Variants in NAF1 observed in about 807,000 individuals in gnomAD.
The protein encoded by NAF1 is H/ACA ribonucleoprotein complex non-core subunit NAF1.
Under a neutral mutation model 40.6 loss-of-function variants are expected in NAF1, and 11 were observed. That is an observed-to-expected ratio of 0.27 (90% CI 0.17 to 0.45). NAF1 has a LOEUF of 0.45. Ranked by LOEUF, NAF1 falls within the 20% of genes least tolerant of loss-of-function variation. The probability of loss-of-function intolerance (pLI) is 1.00; values close to 1 mark genes in which losing one functional copy is unlikely to be tolerated. For missense variants in NAF1, 607 were observed against 611.1 expected, an observed-to-expected ratio of 0.99 and a Z score of 0.07; for synonymous variants, 260 against 228.5, an observed-to-expected ratio of 1.14 and a Z score of -1.24.
rs768124879 is a variant in NAF1, at chr4:163,164,276, G to C, written c.481C>G (p.Gln161Glu). The C allele has an allele frequency of 6.3e-6, 10 of 1,585,262 alleles. No individual in the cohort carries two copies. In the South Asian group the frequency reaches 1.1e-4, roughly 17 times the overall value. Reference protein sequence around the residue: ...PVLSDGDDDLQIEKENKNFPL... With the variant: ...PVLSDGDDDLEIEKENKNFPL... ...AAATTCTTATTTTCCTTCTCAATTT[G>C]TAAATCATCATCTCCATCTGACAGC... is the stretch of plus-strand genomic sequence containing the variant. Residue 161 changes from glutamine to glutamate, a missense_variant, in exon 2 of 8, where the codon CAA becomes GAA. Gln to Glu is a conservative substitution (Grantham distance 29). Transcript: ENST00000274054.
At chr4:163,139,457 TA>T (rs142686379) in intron 5 of NAF1, among the ~76,000 whole-genome samples, 5 of 151,348 alleles carry the variant, frequency 3.3e-5, no homozygotes, top group Admixed American at 6.6e-5. Flanking sequence ...TTATTTTTAT[TA>T]AAAAAAAATC....
At chr4:163,140,047 A>C (rs1199736607) in intron 5 of NAF1, among the ~76,000 whole-genome samples, 176 bp downstream of exon 5, 1 of 152,122 alleles carries the variant, frequency 6.6e-6, no homozygotes, top group Non-Finnish European at 1.5e-5. Flanking sequence ...AAAAGATATG[A>C]ATTCTACGTA....
chr4:163,145,677 T>C lies in NAF1; in HGVS notation c.717+105A>G. On this transcript the variant is annotated intron_variant, in intron 4 of 7. Coordinates refer to ENST00000274054, the MANE Select transcript of NAF1 (RefSeq NM_138386.3). ...ACTGAAATTAGAGAGCTCTAGATTG[T>C]CCATCAATTAAAATAAATAAACTCT... 7.0e-6 allele frequency: 5 copies of C among 715,838 alleles called. No individual in the cohort carries two copies. In the South Asian group the frequency reaches 8.8e-5, roughly 13 times the overall value. 44.3% of individuals were successfully genotyped at this position (715,838 alleles called of 1,614,324 possible). A position where few individuals can be genotyped will look rare whatever the true frequency, so the allele number is the denominator to read the frequency against.
chr4:163,125,549 G>GAGAA (rs1730631599), downstream of NAF1, among the ~76,000 whole-genome samples: 1 of 152,200 alleles, frequency 6.6e-6, no homozygotes, highest in Admixed American at 6.5e-5. Context: ...CGAAGGCTGA[G>GAGAA]AGAAACCGCA....
In NAF1 at chr4:163,166,890, C is replaced by T. The variant is rs542579469; in HGVS notation, c.-163G>A. On this transcript the variant is annotated 5_prime_UTR_variant, in exon 1 of 8. It adds an upstream start codon to the 5' untranslated region. Coordinates refer to ENST00000274054, the MANE Select transcript of NAF1 (RefSeq NM_138386.3). ...CTACACGCGGAGGAGCCAAAAGACA[C>T]GCCCCCGCCATTTACGCAGCAACGC... 1.7e-5 allele frequency: 16 copies of T among 951,748 alleles called. No homozygotes were observed. The highest frequency in any genetic ancestry group is 3.1e-5 in the Admixed American group (1 of 32,490). The allele number at this position is 951,748 out of a possible 1,614,324, so 59.0% of individuals were successfully genotyped here. A position where few individuals can be genotyped will look rare whatever the true frequency, so the allele number is the denominator to read the frequency against.
At chr4:163,122,161 T>C (rs1240759410), downstream of NAF1, among the ~76,000 whole-genome samples, 1 of 152,228 alleles carries the variant, frequency 6.6e-6, no homozygotes, top group Admixed American at 6.5e-5. Flanking sequence ...AACTGTTCCT[T>C]AAAACATACA....
downstream of NAF1, chr4:163,126,827 C>T (rs1730669535): frequency 9.0e-7 from 1 of 1,116,462 alleles, no homozygotes. Flanking sequence ...AACAACTACC[C>T]TGATTAGTCA....
intron 2 of NAF1, among the ~76,000 whole-genome samples, chr4:163,113,989 G>A (rs1730247305): frequency 6.6e-6 from 1 of 151,998 alleles, no homozygotes; most frequent in South Asian, 2.1e-4. Flanking sequence ...GCCAAGATTC[G>A]GTCAGAAAAA....
chr4:163,120,272 C>T (rs542086326), intron 2 of NAF1, among the ~76,000 whole-genome samples: 1 of 152,330 alleles, frequency 6.6e-6, no homozygotes, highest in South Asian at 2.1e-4. Context: ...TGGCTACTGA[C>T]ACTGAGAACA....
At chr4:163,107,404 C>CA (rs1182487447), downstream of NAF1, among the ~76,000 whole-genome samples, 1 of 152,222 alleles carries the variant, frequency 6.6e-6, no homozygotes, top group African/African-American at 2.4e-5. Flanking sequence ...CAGGCTCCTT[C>CA]AGCCTGCTCT....
chr4:163,121,466 G>A (rs1393594209), intron 2 of NAF1, among the ~76,000 whole-genome samples: 1 of 152,126 alleles, frequency 6.6e-6, no homozygotes. Context: ...ATCATGAACA[G>A]TGTAGCTGCA....
chr4:163,142,583 C>T (rs1391616103), intron 4 of NAF1, among the ~76,000 whole-genome samples: 1 of 152,118 alleles, frequency 6.6e-6, no homozygotes, highest in African/African-American at 2.4e-5. Context: ...TGTTTATGAG[C>T]CACAACTATA....
At chr4:163,121,695 A>G (rs1301379442) in intron 2 of NAF1, among the ~76,000 whole-genome samples, 2 of 152,212 alleles carry the variant, frequency 1.3e-5, no homozygotes, top group African/African-American at 4.8e-5. Flanking sequence ...TTAAGATCTA[A>G]TATTTAATAA....
At chr4:163,144,871 A>T (rs1000524031) in intron 4 of NAF1, among the ~76,000 whole-genome samples, 3 of 152,230 alleles carry the variant, frequency 2.0e-5, no homozygotes, top group African/African-American at 7.2e-5. Context: ...GTTTTAATTT[A>T]GCAAAGTGTT....
chr4:163,164,741 G>A (rs1005602562), intron 1 of NAF1, among the ~76,000 whole-genome samples: 1 of 152,118 alleles, frequency 6.6e-6, no homozygotes, highest in African/African-American at 2.4e-5. Flanking sequence ...CTAAAAAAAG[G>A]GAATTCTGGG....
chr4:163,122,327 T>C (rs1345044437), downstream of NAF1, among the ~76,000 whole-genome samples: 1 of 151,956 alleles, frequency 6.6e-6, no homozygotes, highest in Non-Finnish European at 1.5e-5. Context: ...CTCTAAACAA[T>C]CAACAAAAAA....
intron 2 of NAF1, among the ~76,000 whole-genome samples, chr4:163,161,470 C>G (rs1469875581): frequency 6.6e-6 from 1 of 151,280 alleles, no homozygotes; most frequent in Non-Finnish European, 1.5e-5. Flanking sequence ...GAAACTCTGT[C>G]CCCCCTCACC....
chr4:163,150,933 A>C (rs1731675782), intron 2 of NAF1, among the ~76,000 whole-genome samples: 2 of 152,122 alleles, frequency 1.3e-5, no homozygotes, highest in Admixed American at 1.3e-4. Context: ...AGTAAATTTT[A>C]AATCTTTGCC....
Position 163,166,484 on chromosome 4 carries a change from G to C in NAF1, c.244C>G (p.Gln82Glu), listed in dbSNP as rs766043303. The change falls in exon 1 of 8, where the codon CAG (glutamine) becomes GAG (glutamate). Residue 82 changes from glutamine (Q) to glutamate (E), a missense_variant. By Grantham distance (29) the Gln-to-Glu change is conservative. Around this residue, in one of 3 missense-constraint regions of NAF1, gnomAD observed 407 missense variants for 365.5 expected, o/e 1.11. Transcript: ENST00000274054. ...NAVAAGTPAP[Q>E]PQPPAESPAC... ...GGCGATTCAGCCGGTGGCTGTGGCT[G>C]CGGCGCCGGGGTCCCGGCCGCGACG... The C allele has an allele frequency of 6.2e-7, 1 of 1,600,488 alleles. No individual in the cohort carries two copies. The highest frequency in any genetic ancestry group is 8.5e-7 in the Non-Finnish European group (1 of 1,173,468).
Sources: gnomAD v4.1 joint callset for allele counts (sites outside exome capture counted in the v4.1 genomes callset) on GRCh38, gnomAD v4.1.1 for gene constraint, gnomAD v4.1.1 regional missense constraint, MANE v1.5 for transcripts, NCBI Gene and HGNC (gene_info 2026-07-23, HGNC 2026-07-21) for gene names.